The following SLC6A13 variants were observed in gnomAD, a reference collection of about 807,000 sequenced individuals.
SLC6A13 encodes solute carrier family 6 member 13.
A neutral mutation model predicts 72.9 loss-of-function variants in SLC6A13; 69 were observed. That is an observed-to-expected ratio of 0.95 (90% CI 0.78 to 1.16). The LOEUF is 1.16. Among genes scored for constraint, SLC6A13 ranks in the 50% most tolerant of loss-of-function variants. The probability of loss-of-function intolerance (pLI) is 0.00; values close to 1 mark genes in which losing one functional copy is unlikely to be tolerated. For synonymous variants in SLC6A13, 303 were observed against 303.0 expected (o/e 1.00, Z 0.00); for missense variants, 735 against 760.5 (o/e 0.97, Z 0.39).
chr12:255,612 C>T (rs1942714555), intron 2 of SLC6A13, among the ~76,000 whole-genome samples: 1 of 152,216 alleles, frequency 6.6e-6, no homozygotes, highest in South Asian at 2.1e-4. Flanking sequence ...GGGAGAATCA[C>T]TTGAACCCAG....
At chr12:234,064 A>G (rs1398419437) in intron 7 of SLC6A13, among the ~76,000 whole-genome samples, 1 of 152,158 alleles carries the variant, frequency 6.6e-6, no homozygotes, top group African/African-American at 2.4e-5. Flanking sequence ...CGTCAAAACC[A>G]AGATGGCAAC....
rs1942656000 is a variant in SLC6A13 at position 254,154 on chromosome 12, G to C, written c.202+5697C>G. Among the ~76,000 whole-genome samples, 1 of 152,176 alleles carries C rather than the reference G, an allele frequency of 6.6e-6. No individual in the cohort carries two copies. The highest frequency in any genetic ancestry group is 2.4e-5 in the African/African-American group (1 of 41,428). Reference sequence around the variant, plus strand: ...TCCCTCCTGGCAGCTGAGGGTGGAGGGCTGGAGGAATAGTTCAAATGTCAA... The same window carrying C: ...TCCCTCCTGGCAGCTGAGGGTGGAGCGCTGGAGGAATAGTTCAAATGTCAA... On this transcript the variant is annotated intron_variant, in intron 2 of 14. Coordinates refer to ENST00000343164, the MANE Select transcript of SLC6A13 (RefSeq NM_016615.5). The surrounding 1 kb of genome is among the most constrained non-coding windows in gnomAD (Gnocchi z 4.4).
rs184588125 is a variant in SLC6A13 at position 247,649 on chromosome 12, T to C, written c.203-3836A>G. Among the ~76,000 whole-genome samples, 19 of 152,294 alleles carry C rather than the reference T, an allele frequency of 1.2e-4. No homozygotes were observed. In the East Asian group the frequency reaches 2.9e-3, roughly 23 times the overall value. On this transcript the variant is annotated intron_variant, in intron 2 of 14. Transcript: ENST00000343164. ...ATCACCAGATAGAAATATGAATCTA[T>C]ACAAAGTAATAAAAAGCTTTAGAAA...
In SLC6A13 at chr12:222,565, GTAT is replaced by G; in HGVS notation, c.1479_1481del (p.Lys493_Tyr494delinsAsn). On this transcript the variant is annotated inframe_deletion, in exon 13 of 15. Transcript: ENST00000343164. ...CAGCTGGTGTGAGGAAGAGCCAACA[GTAT>G]TTGATAAGAGGCCATGGCCTGTACC... 1 of 1,610,198 alleles carries G rather than the reference GTAT, an allele frequency of 6.2e-7. No individual in the cohort carries two copies. The highest frequency in any genetic ancestry group is 8.5e-7 in the Non-Finnish European group (1 of 1,177,790).
intron 2 of SLC6A13, among the ~76,000 whole-genome samples, chr12:253,940 G>T (rs980809043): frequency 6.6e-6 from 1 of 152,202 alleles, no homozygotes; most frequent in African/African-American, 2.4e-5. Flanking sequence ...TTGGCAGACG[G>T]TTTTTTCATC....
intron 7 of SLC6A13, among the ~76,000 whole-genome samples, chr12:229,685 C>G (rs905576862): frequency 2.6e-5 from 4 of 152,206 alleles, no homozygotes; most frequent in African/African-American, 9.6e-5. Context: ...CCCGGGAGCC[C>G]GGAGTCCTCG....
At chr12:248,727 T>C (rs1037199354) in intron 2 of SLC6A13, among the ~76,000 whole-genome samples, 1 of 152,214 alleles carries the variant, frequency 6.6e-6, no homozygotes, top group African/African-American at 2.4e-5. Flanking sequence ...ATAGAATAAG[T>C]ATACAGAAAA....
chr12:226,189 GA>G (rs1203747394), intron 9 of SLC6A13, among the ~76,000 whole-genome samples, 200 bp downstream of exon 9: 8 of 152,186 alleles, frequency 5.3e-5, no homozygotes, highest in Non-Finnish European at 1.2e-4. Flanking sequence ...AGGATGGGAA[GA>G]AAAATGTTCA....
At chr12:251,706 A>T (rs1363858292) in intron 2 of SLC6A13, among the ~76,000 whole-genome samples, 1 of 152,118 alleles carries the variant, frequency 6.6e-6, no homozygotes, top group Non-Finnish European at 1.5e-5. Context: ...TAATCCCAGC[A>T]CTTTGGGAGG....
rs1170410174 is a variant in SLC6A13 at position 222,515 on chromosome 12, C to T, written c.1515+17G>A. 3 of 1,541,622 alleles carry T rather than the reference C, an allele frequency of 1.9e-6. No individual in the cohort carries two copies. The highest frequency in any genetic ancestry group is 1.2e-5 in the South Asian group (1 of 86,284). On this transcript the variant is annotated intron_variant, in intron 13 of 14. Coordinates refer to ENST00000343164, the MANE Select transcript of SLC6A13 (RefSeq NM_016615.5). ...TCTCCCTCCCTTCATCTGACTTTAT[C>T]CCTGAAATGATCTTACTGTGCACAC...
At position 240,091 on chromosome 12, in the gene SLC6A13, T is replaced by A. The variant is rs2137292366; in HGVS notation, c.479-2081A>T. ...AAGAGGGACTCCACTGAGATCTGGA[T>A]AAAATCTTTACTGTCTGACAGGCTG... On this transcript the variant is annotated intron_variant, in intron 4 of 14. Transcript: ENST00000343164. Among the ~76,000 whole-genome samples, 4 of 152,276 alleles carry A rather than the reference T, an allele frequency of 2.6e-5. No homozygotes were observed. The South Asian group carries it at 8.3e-4, about 32-fold the overall frequency.
chr12:249,703 C>T (rs1467188335), intron 2 of SLC6A13, among the ~76,000 whole-genome samples: 3 of 152,082 alleles, frequency 2.0e-5, no homozygotes, highest in Non-Finnish European at 4.4e-5. Context: ...CAATTCTACA[C>T]AAACTCTTCC....
intron 2 of SLC6A13, among the ~76,000 whole-genome samples, chr12:256,164 G>A (rs1457264633): frequency 6.6e-6 from 1 of 152,138 alleles, no homozygotes; most frequent in Non-Finnish European, 1.5e-5. Flanking sequence ...CATTTATTGT[G>A]TAGTGTCTGT....
intron 2 of SLC6A13, chr12:257,342 G>A (rs1273561078): frequency 6.6e-6 from 1 of 152,400 alleles, no homozygotes; most frequent in Non-Finnish European, 1.5e-5. Context: ...AGCAAACCTG[G>A]GCCCCTGCCT....
chr12:233,978 G>A (rs142957948), intron 7 of SLC6A13, among the ~76,000 whole-genome samples: 1 of 152,190 alleles, frequency 6.6e-6, no homozygotes, highest in Non-Finnish European at 1.5e-5. Context: ...GAGACAGGAG[G>A]TCGTCACCTC....
At chr12:245,453 G>A (rs1207446449) in intron 2 of SLC6A13, among the ~76,000 whole-genome samples, 1 of 151,622 alleles carries the variant, frequency 6.6e-6, no homozygotes, top group Non-Finnish European at 1.5e-5. Flanking sequence ...AGGCTGAGGT[G>A]GACAGATCAC....
At chr12:246,415 A>G (rs760989486) in intron 2 of SLC6A13, among the ~76,000 whole-genome samples, 2 of 152,224 alleles carry the variant, frequency 1.3e-5, no homozygotes, top group Non-Finnish European at 2.9e-5. Context: ...AAAGCAAAGA[A>G]TCAGGAAAAT....
chr12:221,087 G>C lies in SLC6A13; in HGVS notation c.1687-17C>G. 6.3e-7 allele frequency: 1 copy of C among 1,578,092 alleles called. No individual in the cohort carries two copies. The highest frequency in any genetic ancestry group is 8.6e-7 in the Non-Finnish European group (1 of 1,163,986). ...ACGGATTCTCTGCGGGGATAGCAGA[G>C]GTGGCTGTCAGGTGGTGGAGCGGGG... On this transcript the variant is annotated splice_polypyrimidine_tract_variant and intron_variant, in intron 14 of 14. Coordinates refer to ENST00000343164, the MANE Select transcript of SLC6A13 (RefSeq NM_016615.5).
intron 2 of SLC6A13, among the ~76,000 whole-genome samples, chr12:247,049 G>A (rs907546384): frequency 1.4e-4 from 18 of 132,740 alleles, no homozygotes; most frequent in African/African-American, 4.8e-4. Context: ...AGAAAGAAAA[G>A]AAAAAAGAAA....
Sources: allele counts gnomAD v4.1 joint callset (sites outside exome capture counted in the v4.1 genomes callset), GRCh38; gene constraint gnomAD v4.1.1; non-coding constraint Gnocchi (gnomAD v3.1); transcripts MANE v1.5; gene names NCBI Gene and HGNC (gene_info 2026-07-23, HGNC 2026-07-21).